CPED1: variants seen among roughly 807,000 people sequenced by gnomAD.
CPED1 encodes cadherin like and PC-esterase domain containing 1.
A neutral mutation model predicts 128.2 loss-of-function variants in CPED1; 114 were observed. The ratio of observed to expected loss-of-function variants is 0.89; its 90% confidence interval spans 0.76 to 1.04. The LOEUF is 1.04. CPED1 is among the 50% of genes least tolerant of loss of function. CPED1 has a pLI of 0.00. For synonymous variants in CPED1, 462 were observed against 426.7 expected (o/e 1.08, Z -1.02); for missense variants, 1,211 against 1,207.1 (o/e 1.00, Z -0.05).
chr7:121,053,457 C>G (rs931360894), intron 4 of CPED1, among the ~76,000 whole-genome samples: 2 of 152,152 alleles, frequency 1.3e-5, no homozygotes, highest in Non-Finnish European at 2.9e-5. Flanking sequence ...GCAGTCTACC[C>G]TTCTCAGTGT....
At chr7:121,064,661 A>G (rs564270414) in intron 5 of CPED1, among the ~76,000 whole-genome samples, 4 of 152,290 alleles carry the variant, frequency 2.6e-5, no homozygotes, top group East Asian at 3.9e-4. Context: ...ATCAAAGTAT[A>G]TATTTCTTTA....
intron 12 of CPED1, among the ~76,000 whole-genome samples, chr7:121,130,897 G>T (rs1319021717): frequency 6.6e-6 from 1 of 152,012 alleles, no homozygotes; most frequent in Non-Finnish European, 1.5e-5. Context: ...AGTAATTAGG[G>T]AATAAGAGGG....
At chr7:121,173,656 A>T (rs1438130360) in intron 16 of CPED1, among the ~76,000 whole-genome samples, 2 of 152,100 alleles carry the variant, frequency 1.3e-5, no homozygotes, top group African/African-American at 2.4e-5. Context: ...AGTGGACTCC[A>T]TGTCATTGCT....
At chr7:121,144,978 G>A (rs1464650649) in intron 16 of CPED1, among the ~76,000 whole-genome samples, 2 of 151,932 alleles carry the variant, frequency 1.3e-5, no homozygotes, top group African/African-American at 4.8e-5. Flanking sequence ...CTAAGCATGA[G>A]GGAATTTTTT....
chr7:121,145,986 C>T (rs1425553615), intron 16 of CPED1, among the ~76,000 whole-genome samples: 3 of 151,974 alleles, frequency 2.0e-5, no homozygotes, highest in Admixed American at 1.3e-4. Context: ...TATAATTTCT[C>T]CCTACATTTC....
intron 5 of CPED1, among the ~76,000 whole-genome samples, chr7:121,085,866 AC>A (rs1187082468): frequency 1.3e-5 from 2 of 152,198 alleles, no homozygotes; most frequent in African/African-American, 4.8e-5. Context: ...TGTGTTTAGT[AC>A]CCCTGGGTTT....
chr7:121,140,788 T>A, intron 14 of CPED1, 39 bp from the exon 15 acceptor site: 1 of 1,454,790 alleles, frequency 6.9e-7, no homozygotes, highest in Non-Finnish European at 9.5e-7. Context: ...TTTACCCACT[T>A]CACAGTTGTC....
chr7:121,045,973 A>G (rs929811996), intron 3 of CPED1, among the ~76,000 whole-genome samples: 1 of 152,096 alleles, frequency 6.6e-6, no homozygotes, highest in Admixed American at 6.6e-5. Context: ...TTATTCATGC[A>G]TTAGTCAAGA....
chr7:121,031,042 A>C (rs1205807654), intron 3 of CPED1, among the ~76,000 whole-genome samples: 1 of 152,200 alleles, frequency 6.6e-6, no homozygotes, highest in Non-Finnish European at 1.5e-5. Flanking sequence ...TTATCATCAA[A>C]CCTGAGCTTT....
At chr7:121,069,145 G>T (rs555655876) in intron 5 of CPED1, among the ~76,000 whole-genome samples, 1 of 152,166 alleles carries the variant, frequency 6.6e-6, no homozygotes, top group East Asian at 1.9e-4. Context: ...GAACAAATGT[G>T]GTCAGTGCCT....
At chr7:121,020,361 C>T (rs1792408527) in intron 3 of CPED1, among the ~76,000 whole-genome samples, 1 of 152,028 alleles carries the variant, frequency 6.6e-6, no homozygotes, top group Non-Finnish European at 1.5e-5. Context: ...TATTAGAACA[C>T]TGCCACTCTC....
At chr7:121,047,565 T>C (rs1793230367) in intron 4 of CPED1, among the ~76,000 whole-genome samples, 1 of 152,020 alleles carries the variant, frequency 6.6e-6, no homozygotes, top group African/African-American at 2.4e-5. Context: ...ATCCAATAGC[T>C]CTTATACAGT....
Position 121,295,570 on chromosome 7 carries a change from C to T in CPED1, c.2999C>T (p.Pro1000Leu). The change falls in exon 23 of 23, where the codon CCA (proline) becomes CTA (leucine). Residue 1000 changes from proline (P) to leucine (L), a missense_variant. Pro to Leu is a moderately conservative substitution (Grantham distance 98, BLOSUM62 -3). Transcript: ENST00000310396. ...QQGTVTNFRS[P>L]YHVRGPINQV... ...GGCACTGTAACAAATTTTCGATCGC[C>T]ATATCATGTCAGAGGTCCAATAAAT... 1 of 1,614,068 alleles carries T rather than the reference C, an allele frequency of 6.2e-7. No homozygotes were observed. The highest frequency in any genetic ancestry group is 8.5e-7 in the Non-Finnish European group (1 of 1,179,976).
intron 16 of CPED1, among the ~76,000 whole-genome samples, chr7:121,219,202 A>G (rs1477873109): frequency 6.6e-6 from 1 of 152,026 alleles, no homozygotes; most frequent in East Asian, 1.9e-4. Context: ...AGTGCGAGAA[A>G]CCACAACAAA....
chr7:121,011,164 A>G (rs1379486749), intron 2 of CPED1, among the ~76,000 whole-genome samples: 1 of 152,160 alleles, frequency 6.6e-6, no homozygotes, highest in South Asian at 2.1e-4. Context: ...TGTCATAAAT[A>G]CATGGCTACT....
At chr7:121,163,491 C>T (rs1796456695) in intron 16 of CPED1, among the ~76,000 whole-genome samples, 2 of 152,230 alleles carry the variant, frequency 1.3e-5, no homozygotes, top group Non-Finnish European at 2.9e-5. Flanking sequence ...CTCTCTTCTC[C>T]AGAGCCTACA....
intron 16 of CPED1, among the ~76,000 whole-genome samples, chr7:121,209,930 C>T (rs557599828): frequency 1.5e-3 from 231 of 151,948 alleles, no homozygotes; most frequent in African/African-American, 5.3e-3. Flanking sequence ...ATCTAATCAT[C>T]CAATTTAAAA....
intron 5 of CPED1, among the ~76,000 whole-genome samples, chr7:121,076,387 A>G (rs1415570161): frequency 6.6e-6 from 1 of 152,208 alleles, no homozygotes; most frequent in African/African-American, 2.4e-5. Context: ...AAAGATAGTA[A>G]CAGCTTTCAT....
At chr7:121,241,179 T>C (rs1218967332) in intron 17 of CPED1, among the ~76,000 whole-genome samples, 3 of 94,678 alleles carry the variant, frequency 3.2e-5, no homozygotes, top group Admixed American at 9.5e-5. Context: ...CCGTCTCTAC[T>C]AAAAATACAA....
Sources: gnomAD v4.1 joint callset for allele counts (sites outside exome capture counted in the v4.1 genomes callset) on GRCh38, gnomAD v4.1.1 for gene constraint, MANE v1.5 for transcripts, NCBI Gene and HGNC (gene_info 2026-07-23, HGNC 2026-07-21) for gene names.